The following CDKAL1 variants were observed in gnomAD, a reference collection of about 807,000 sequenced individuals.
CDKAL1 encodes the protein CDKAL1 threonylcarbamoyladenosine tRNA methylthiotransferase.
A neutral mutation model predicts 68.2 loss-of-function variants in CDKAL1; 32 were observed. That is an observed-to-expected ratio of 0.47 (90% CI 0.35 to 0.63). CDKAL1 has a LOEUF of 0.63. CDKAL1 is among the 30% of genes least tolerant of loss of function. The pLI is 0.00. For synonymous variants in CDKAL1, 234 were observed against 244.3 expected (o/e 0.96, Z 0.39); for missense variants, 606 against 696.7 (o/e 0.87, Z 1.47).
chr6:20,997,126 T>C (rs905106637), intron 10 of CDKAL1, among the ~76,000 whole-genome samples: 2 of 151,984 alleles, frequency 1.3e-5, no homozygotes, highest in African/African-American at 4.8e-5. Flanking sequence ...GAGGGAAGAG[T>C]AAAATATAAT....
chr6:20,622,395 G>A (rs1561974548), intron 4 of CDKAL1, among the ~76,000 whole-genome samples: 1 of 152,080 alleles, frequency 6.6e-6, no homozygotes, highest in Non-Finnish European at 1.5e-5. Flanking sequence ...CTATCAGTGA[G>A]ATATTTGAGA....
chr6:21,096,195 A>C (rs1457092911), intron 12 of CDKAL1, among the ~76,000 whole-genome samples: 1 of 152,194 alleles, frequency 6.6e-6, no homozygotes, highest in Admixed American at 6.5e-5. Flanking sequence ...GGGTGACACC[A>C]GGGGTTATTC....
chr6:20,934,900 A>ATT (rs35030815), intron 9 of CDKAL1, among the ~76,000 whole-genome samples: 39,609 of 136,562 alleles, frequency 0.29, 6,450 homozygotes, highest in South Asian at 0.38. Context: ...CGCCTTATAC[A>ATT]TTTTTTTTTT....
At chr6:20,594,943 T>C (rs1765755594) in intron 4 of CDKAL1, among the ~76,000 whole-genome samples, 1 of 152,196 alleles carries the variant, frequency 6.6e-6, no homozygotes, top group Non-Finnish European at 1.5e-5. Context: ...TTAGTTTGGC[T>C]GGATATGAAA....
rs74536530 is a variant in CDKAL1, at chr6:20,539,985, G to A, written c.-6+4591G>A. On this transcript the variant is annotated intron_variant, in intron 2 of 15. Coordinates refer to ENST00000274695, the MANE Select transcript of CDKAL1 (RefSeq NM_017774.3). This position sits in a 1 kb window ranked among gnomAD's most constrained non-coding sequence, Gnocchi z 4.3. Reference sequence around the variant, plus strand: ...ATTCTGAATATATTTTGAAGGTACAGCCAACAGGATGTTGTTGATTGATTG... The same window carrying A: ...ATTCTGAATATATTTTGAAGGTACAACCAACAGGATGTTGTTGATTGATTG... Among the ~76,000 whole-genome samples, 2,194 of 152,210 alleles carry A rather than the reference G, an allele frequency of 0.014. 167 individuals carry two copies. In the East Asian group the frequency reaches 0.23, roughly 16 times the overall value.
chr6:20,649,487 G>A (rs1768647338), intron 5 of CDKAL1, 110 bp downstream of exon 5: 2 of 586,140 alleles, frequency 3.4e-6, no homozygotes, highest in South Asian at 2.4e-5. Flanking sequence ...TATTAAAAAA[G>A]TATGAGTTGG....
intron 9 of CDKAL1, among the ~76,000 whole-genome samples, chr6:20,871,151 T>A (rs1760191461): frequency 6.6e-6 from 1 of 152,182 alleles, no homozygotes; most frequent in Non-Finnish European, 1.5e-5. Context: ...ATGATGATAT[T>A]TTTAAATGTG....
chr6:21,144,587 T>A (rs1472261170), intron 13 of CDKAL1, among the ~76,000 whole-genome samples: 1 of 144,478 alleles, frequency 6.9e-6, no homozygotes, highest in African/African-American at 2.6e-5. Flanking sequence ...GAGTTAGAGA[T>A]CAGCCTGGGA....
intron 9 of CDKAL1, among the ~76,000 whole-genome samples, chr6:20,880,183 G>A (rs1265782723): frequency 6.6e-6 from 1 of 152,134 alleles, no homozygotes; most frequent in Admixed American, 6.5e-5. Context: ...TGCTTAGAGT[G>A]GGAATGCGAG....
chr6:20,916,739 G>A (rs1037683803), intron 9 of CDKAL1, among the ~76,000 whole-genome samples: 1 of 152,104 alleles, frequency 6.6e-6, no homozygotes, highest in African/African-American at 2.4e-5. Context: ...TTTAATAAAT[G>A]AATCCAAAAA....
intron 11 of CDKAL1, among the ~76,000 whole-genome samples, chr6:21,035,639 A>G (rs1486047010): frequency 2.5e-4 from 38 of 152,276 alleles, no homozygotes; most frequent in Admixed American, 2.5e-3. Context: ...GTTACTAAGA[A>G]GAATGAAATG....
intron 13 of CDKAL1, among the ~76,000 whole-genome samples, chr6:21,180,952 A>G (rs986342015): frequency 4.6e-5 from 7 of 152,170 alleles, no homozygotes; most frequent in African/African-American, 1.4e-4. Flanking sequence ...TATTTCTCAC[A>G]GTTCTAGAGG....
intron 11 of CDKAL1, among the ~76,000 whole-genome samples, chr6:21,039,015 G>A (rs974047342): frequency 2.6e-5 from 4 of 152,038 alleles, no homozygotes; most frequent in Non-Finnish European, 4.4e-5. Context: ...GTCTTCAAAA[G>A]CTGCCTGCAC....
intron 7 of CDKAL1, among the ~76,000 whole-genome samples, chr6:20,761,809 G>C (rs762618034): frequency 6.6e-6 from 1 of 152,120 alleles, no homozygotes; most frequent in Non-Finnish European, 1.5e-5. Flanking sequence ...ATTTATGACA[G>C]TAATTCTATT....
At chr6:20,665,878 C>T (rs548527679) in intron 5 of CDKAL1, among the ~76,000 whole-genome samples, 2 of 152,118 alleles carry the variant, frequency 1.3e-5, no homozygotes, top group East Asian at 1.9e-4. Context: ...GTGGAATTCT[C>T]TGTACAGCAT....
At chr6:20,568,766 A>G (rs900149798) in intron 4 of CDKAL1, among the ~76,000 whole-genome samples, 6 of 151,606 alleles carry the variant, frequency 4.0e-5, no homozygotes, top group South Asian at 2.1e-4. Flanking sequence ...AAACAAAAAA[A>G]CAAAGAAATG....
At chr6:20,588,950 G>T (rs1765483182) in intron 4 of CDKAL1, among the ~76,000 whole-genome samples, 1 of 152,202 alleles carries the variant, frequency 6.6e-6, no homozygotes, top group South Asian at 2.1e-4. Flanking sequence ...TGGAAAGTTT[G>T]AAATCTTATA....
At chr6:20,733,917 G>C (rs546142202) in intron 5 of CDKAL1, among the ~76,000 whole-genome samples, 5 of 152,260 alleles carry the variant, frequency 3.3e-5, no homozygotes, top group African/African-American at 1.2e-4. Flanking sequence ...GGGAGGCTGA[G>C]GTGGGTGGAT....
chr6:21,004,609 T>A (rs936153110), intron 11 of CDKAL1, among the ~76,000 whole-genome samples: 25 of 152,166 alleles, frequency 1.6e-4, no homozygotes, highest in African/African-American at 5.6e-4. Context: ...AAATGGGATT[T>A]GTAGGGATAG....
Sources: gnomAD v4.1 joint callset for allele counts (sites outside exome capture counted in the v4.1 genomes callset) on GRCh38, gnomAD v4.1.1 for gene constraint, Gnocchi (gnomAD v3.1) non-coding constraint, MANE v1.5 for transcripts, NCBI Gene and HGNC (gene_info 2026-07-23, HGNC 2026-07-21) for gene names.